CAMTA1: variants seen among roughly 807,000 people sequenced by gnomAD.
The protein encoded by CAMTA1 is calmodulin binding transcription activator 1.
In CAMTA1, 27 loss-of-function variants were observed where a neutral mutation model predicts 170.9. The observed-to-expected ratio is 0.16, with a 90% CI of 0.12 to 0.22. The LOEUF (loss-of-function observed/expected upper bound fraction) is 0.22, where lower values mean the gene tolerates loss of function less well. CAMTA1 is among the 10% of genes least tolerant of loss of function. The pLI is 1.00. For synonymous variants in CAMTA1, 833 were observed against 891.5 expected (o/e 0.93, Z 1.17); for missense variants, 1,619 against 2,217.2 (o/e 0.73, Z 5.42).
At chr1:6,998,624 C>A (rs985520650) in intron 3 of CAMTA1, among the ~76,000 whole-genome samples, 1 of 152,230 alleles carries the variant, frequency 6.6e-6, no homozygotes, top group African/African-American at 2.4e-5. Flanking sequence ...GTGCACCTTG[C>A]GTTTCGTCTC....
At position 7,058,164 on chromosome 1, in the gene CAMTA1, GCACCC is replaced by G. The variant is rs879501521; in HGVS notation, c.235-33138_235-33134del. Among the ~76,000 whole-genome samples the G allele has an allele frequency of 6.5e-3, 989 of 152,112 alleles. 11 individuals are homozygous for G. Among genetic ancestry groups the G allele is most frequent in the Middle Eastern group, 0.02 (6 of 294 alleles). ...TGGGCTGCTCAGGACCCTTTCCCCA[GCACCC>G]CGCATCACGACGCATCTAGAATGTC... On this transcript the variant is annotated intron_variant, in intron 3 of 22. Transcript: ENST00000303635.
intron 4 of CAMTA1, among the ~76,000 whole-genome samples, chr1:7,126,548 A>G (rs1212259155): frequency 6.6e-6 from 1 of 152,244 alleles, no homozygotes; most frequent in African/African-American, 2.4e-5. Context: ...GGGCAGTGAC[A>G]TATTTTAAAT....
chr1:6,890,561 C>A (rs1674282763), intron 3 of CAMTA1, among the ~76,000 whole-genome samples: 1 of 150,124 alleles, frequency 6.7e-6, no homozygotes, highest in African/African-American at 2.4e-5. Flanking sequence ...GGCTCTTGGA[C>A]AGTTTTCTTT....
At chr1:6,793,521 CTCTT>C (rs1210243369) in intron 1 of CAMTA1, among the ~76,000 whole-genome samples, 2 of 152,200 alleles carry the variant, frequency 1.3e-5, no homozygotes, top group African/African-American at 4.8e-5. Context: ...TCAGTCATGA[CTCTT>C]TCTCCATGTA....
chr1:7,582,142 T>C (rs1300093066), intron 6 of CAMTA1, among the ~76,000 whole-genome samples: 1 of 152,188 alleles, frequency 6.6e-6, no homozygotes, highest in Non-Finnish European at 1.5e-5. Flanking sequence ...CTGGAGTCTG[T>C]GCTCCAGGAG....
chr1:7,513,932 TACACACACACAC>T (rs962707333), intron 6 of CAMTA1, among the ~76,000 whole-genome samples: 3 of 75,762 alleles, frequency 4.0e-5, no homozygotes, highest in Non-Finnish European at 9.7e-5. Flanking sequence ...CAAAAACACA[TACACACACACAC>T]ACATACACAC....
In CAMTA1 at chr1:6,871,991, T is replaced by C. The variant is rs1668530198; in HGVS notation, c.234+46781T>C. On this transcript the variant is annotated intron_variant, in intron 3 of 22. Coordinates refer to ENST00000303635, the MANE Select transcript of CAMTA1 (RefSeq NM_015215.4). ...TGCAAAATGCTGTCTTCATTTTCTG[T>C]ATTAAAATTCATTTCAGTTTTAAAA... The C allele has an allele frequency of 2.5e-6, 3 of 1,206,314 alleles. No individual in the cohort carries two copies. The African/African-American group carries it at 4.7e-5, about 19-fold the overall frequency. 74.7% of individuals were successfully genotyped at this position (1,206,314 alleles called of 1,614,324 possible). A position where few individuals can be genotyped will look rare whatever the true frequency, so the allele number is the denominator to read the frequency against.
intron 3 of CAMTA1, among the ~76,000 whole-genome samples, chr1:7,028,201 A>G (rs11588846): frequency 0.32 from 49,330 of 152,118 alleles, 8,364 homozygotes; most frequent in African/African-American, 0.41. Flanking sequence ...CACTGCCTGA[A>G]ATATTCTTTA....
chr1:7,285,972 G>A (rs1217653689), intron 5 of CAMTA1, among the ~76,000 whole-genome samples: 1 of 152,184 alleles, frequency 6.6e-6, no homozygotes, highest in Non-Finnish European at 1.5e-5. Context: ...GTAGAGGCCA[G>A]GAAAGAGACC....
At chr1:7,559,537 C>G (rs956783163) in intron 6 of CAMTA1, among the ~76,000 whole-genome samples, 1 of 152,224 alleles carries the variant, frequency 6.6e-6, no homozygotes, top group Non-Finnish European at 1.5e-5. Context: ...TGCCTGCCGA[C>G]TTGGTGTTTT....
Position 6,883,239 on chromosome 1 carries a change from T to C in CAMTA1, c.234+58029T>C, listed in dbSNP as rs569586946. 7.2e-5 allele frequency among the ~76,000 whole-genome samples: 11 copies of C among 152,314 alleles called. No homozygotes were observed. In the South Asian group the frequency reaches 2.3e-3, roughly 32 times the overall value. On this transcript the variant is annotated intron_variant, in intron 3 of 22. Transcript: ENST00000303635. ...GCAGAGTGATATCTATGTCAGATGC[T>C]GCTAAAGCTGGAGCAAGAAACAGAC... is the stretch of plus-strand genomic sequence containing the variant.
intron 6 of CAMTA1, among the ~76,000 whole-genome samples, chr1:7,571,828 A>G (rs1256179273): frequency 6.6e-6 from 1 of 152,222 alleles, no homozygotes; most frequent in African/African-American, 2.4e-5. Flanking sequence ...TGGTGGAACA[A>G]TTTATATTCC....
chr1:7,433,282 A>G (rs929965085), intron 5 of CAMTA1, among the ~76,000 whole-genome samples: 2 of 152,220 alleles, frequency 1.3e-5, no homozygotes, highest in African/African-American at 2.4e-5. Context: ...GGGCATCTCT[A>G]TCTAAGCCTC....
intron 3 of CAMTA1, among the ~76,000 whole-genome samples, chr1:7,043,147 G>A (rs1294487752): frequency 6.6e-6 from 1 of 152,206 alleles, no homozygotes; most frequent in Non-Finnish European, 1.5e-5. Context: ...GACTGCCAAG[G>A]CCGCTGGCAC....
intron 3 of CAMTA1, among the ~76,000 whole-genome samples, chr1:6,972,289 C>A (rs1332506936): frequency 6.6e-6 from 1 of 152,188 alleles, no homozygotes; most frequent in Non-Finnish European, 1.5e-5. Flanking sequence ...CCCGTGTGTG[C>A]TCCTAGTGAC....
chr1:7,548,289 T>C (rs2094727839), intron 6 of CAMTA1, among the ~76,000 whole-genome samples: 1 of 152,138 alleles, frequency 6.6e-6, no homozygotes, highest in Non-Finnish European at 1.5e-5. Context: ...CTCCCCCAAC[T>C]CCTTGCCCTC....
chr1:6,869,376 G>C (rs1295281811), intron 3 of CAMTA1, among the ~76,000 whole-genome samples: 1 of 152,162 alleles, frequency 6.6e-6, no homozygotes, highest in Non-Finnish European at 1.5e-5. Context: ...ATCGACAGTT[G>C]TCAAGTCTAA....
In CAMTA1 at chr1:7,661,984, C is replaced by G. The variant is rs1249734843; in HGVS notation, c.805+118C>G. ...GACATCTAGTGAGGGAGGAGGGGGA[C>G]AGTCAGGGACTGGGCGACACCACCG... On this transcript the variant is annotated intron_variant, in intron 8 of 22. Coordinates refer to ENST00000303635, the MANE Select transcript of CAMTA1 (RefSeq NM_015215.4). The G allele has an allele frequency of 9.7e-6, 12 of 1,231,996 alleles. No homozygotes were observed. The East Asian group carries it at 1.5e-4, about 16-fold the overall frequency. The allele number at this position is 1,231,996 out of a possible 1,614,324, so 76.3% of individuals were successfully genotyped here. A position where few individuals can be genotyped will look rare whatever the true frequency, so the allele number is the denominator to read the frequency against.
chr1:7,347,522 G>A (rs1044594813), intron 5 of CAMTA1, among the ~76,000 whole-genome samples: 3 of 152,250 alleles, frequency 2.0e-5, no homozygotes, highest in Non-Finnish European at 4.4e-5. Context: ...AGGGAGCTAA[G>A]CCTTCCTTGG....
Sources: allele counts gnomAD v4.1 joint callset (sites outside exome capture counted in the v4.1 genomes callset), GRCh38; gene constraint gnomAD v4.1.1; transcripts MANE v1.5; gene names NCBI Gene and HGNC (gene_info 2026-07-23, HGNC 2026-07-21).